The following DTD1 variants were observed in gnomAD, a reference collection of about 807,000 sequenced individuals.
The protein encoded by DTD1 is D-aminoacyl-tRNA deacylase 1, also known as D-tyrosyl-tRNA deacylase 1 homolog.
DTD1 carries 13 observed loss-of-function variants against 25.6 expected under a neutral mutation model. That is an observed-to-expected ratio of 0.51 (90% CI 0.33 to 0.81). DTD1 has a LOEUF of 0.81. Among genes scored for constraint, DTD1 ranks in the 30% least tolerant of loss-of-function variants. DTD1 has a pLI of 0.02. For synonymous variants in DTD1, 110 were observed against 103.6 expected (o/e 1.06, Z -0.37); for missense variants, 193 against 266.4 (o/e 0.72, Z 1.92).
At chr20:18,685,850 A>G (rs1202761411) in intron 4 of DTD1, among the ~76,000 whole-genome samples, 1 of 152,230 alleles carries the variant, frequency 6.6e-6, no homozygotes, top group East Asian at 1.9e-4. Context: ...AGCCAGGCAG[A>G]TAAGTTCCCC....
At chr20:18,684,444 A>G (rs2061008974) in intron 4 of DTD1, among the ~76,000 whole-genome samples, 1 of 151,898 alleles carries the variant, frequency 6.6e-6, no homozygotes, top group South Asian at 2.1e-4. Context: ...ATGCCATCAT[A>G]CCCAGCTAAT....
At chr20:18,648,613 A>G (rs1212247864) in intron 4 of DTD1, among the ~76,000 whole-genome samples, 1 of 151,966 alleles carries the variant, frequency 6.6e-6, no homozygotes, top group Non-Finnish European at 1.5e-5. Flanking sequence ...CTCTTCTTTC[A>G]TCTCTCTCTC....
At chr20:18,603,342 A>AC (rs2060643529) in intron 3 of DTD1, among the ~76,000 whole-genome samples, 1 of 104,286 alleles carries the variant, frequency 9.6e-6, no homozygotes, top group Non-Finnish European at 2.0e-5. Flanking sequence ...TTAACACCCC[A>AC]CTGTCAACAT....
At chr20:18,649,019 A>T (rs975524595) in intron 4 of DTD1, among the ~76,000 whole-genome samples, 1 of 142,922 alleles carries the variant, frequency 7.0e-6, no homozygotes, top group Non-Finnish European at 1.5e-5. Context: ...AAAAAAAAAA[A>T]GCAAATTTAA....
rs148811060 is a variant in DTD1, at chr20:18,588,687, A to T, written c.43+572A>T. On this transcript the variant is annotated intron_variant, in intron 1 of 5. Coordinates refer to ENST00000377452, the MANE Select transcript of DTD1 (RefSeq NM_080820.6). ...GCTGGATGAGGGGCGCCCCCTGCCC[A>T]GGACGCCCCTCGCCCTCGCCCGCTG... is the stretch of plus-strand genomic sequence containing the variant. 39 of 980,192 alleles carry T rather than the reference A, an allele frequency of 4.0e-5. No homozygotes were observed. The African/African-American group carries it at 6.1e-4, about 15-fold the overall frequency. 60.7% of individuals were successfully genotyped at this position (980,192 alleles called of 1,614,324 possible).
intron 4 of DTD1, among the ~76,000 whole-genome samples, chr20:18,637,507 T>C (rs1361295094): frequency 6.6e-6 from 1 of 152,222 alleles, no homozygotes; most frequent in African/African-American, 2.4e-5. Context: ...GTGTGCAAGA[T>C]TGTAGCAGTG....
At chr20:18,635,481 A>G (rs1466945750) in intron 4 of DTD1, among the ~76,000 whole-genome samples, 1 of 152,198 alleles carries the variant, frequency 6.6e-6, no homozygotes, top group African/African-American at 2.4e-5. Context: ...CCTGCTTTCC[A>G]TGAATTATGA....
chr20:18,632,164 C>T (rs549106420), intron 4 of DTD1: 7 of 985,292 alleles, frequency 7.1e-6, no homozygotes, highest in South Asian at 9.4e-5. Context: ...AAATCCCTCT[C>T]CCCAAATCAA....
intron 5 of DTD1, among the ~76,000 whole-genome samples, chr20:18,761,285 A>G (rs1009978699): frequency 6.6e-6 from 1 of 152,116 alleles, no homozygotes; most frequent in Non-Finnish European, 1.5e-5. Flanking sequence ...TGAGTTGGAA[A>G]TGCAGAAATC....
chr20:18,702,271 C>G (rs2061108289), intron 4 of DTD1, among the ~76,000 whole-genome samples: 1 of 152,190 alleles, frequency 6.6e-6, no homozygotes, highest in Admixed American at 6.5e-5. Flanking sequence ...GTATGGTACT[C>G]CCGCCCCCTT....
intron 2 of DTD1, among the ~76,000 whole-genome samples, chr20:18,595,581 T>G (rs998311375): frequency 3.3e-5 from 5 of 152,172 alleles, no homozygotes; most frequent in African/African-American, 1.2e-4. Flanking sequence ...AATTGTTCAT[T>G]TTGAGTAGCT....
At chr20:18,754,202 G>A (rs2061330804) in intron 5 of DTD1, among the ~76,000 whole-genome samples, 1 of 152,218 alleles carries the variant, frequency 6.6e-6, no homozygotes, top group Non-Finnish European at 1.5e-5. Context: ...GTCTTTGAGG[G>A]TTTCAGTGTT....
chr20:18,633,093 A>C (rs564987060), intron 4 of DTD1, among the ~76,000 whole-genome samples: 1 of 152,348 alleles, frequency 6.6e-6, no homozygotes, highest in Non-Finnish European at 1.5e-5. Flanking sequence ...AAGACCATTC[A>C]GTTTGTGCTC....
chr20:18,736,066 C>T (rs2061253945), intron 4 of DTD1, among the ~76,000 whole-genome samples: 1 of 152,138 alleles, frequency 6.6e-6, no homozygotes, highest in Non-Finnish European at 1.5e-5. Flanking sequence ...CTAGAGTAAT[C>T]CTTCCTTTCA....
chr20:18,702,107 C>T (rs994879537), intron 4 of DTD1, among the ~76,000 whole-genome samples: 2 of 152,124 alleles, frequency 1.3e-5, no homozygotes, highest in Non-Finnish European at 2.9e-5. Context: ...TTAGACAAAG[C>T]GTCTATTTGT....
Position 18,764,466 on chromosome 20 carries a change from T to G in DTD1, c.*1126T>G, listed in dbSNP as rs1290466622. On this transcript the variant is annotated 3_prime_UTR_variant, in exon 6 of 6. Coordinates refer to ENST00000377452, the MANE Select transcript of DTD1 (RefSeq NM_080820.6). The stretch of plus-strand genomic sequence containing the variant: ...TCGCATATATGCTCTCTGGAAAATA[T>G]TTTTGTATATAGAAGAGACATCCTT... 3 of 152,254 alleles carry G rather than the reference T, an allele frequency of 2.0e-5. No homozygotes were observed. The highest frequency in any genetic ancestry group is 4.4e-5 in the Non-Finnish European group (3 of 68,048). The allele number at this position is 152,254 out of a possible 1,614,324, so 9.4% of individuals were successfully genotyped here.
chr20:18,700,795 C>G (rs574052036), intron 4 of DTD1, among the ~76,000 whole-genome samples: 97 of 152,176 alleles, frequency 6.4e-4, no homozygotes, highest in Middle Eastern at 3.4e-3. Context: ...GTTCCTGGAA[C>G]TTGAGGGTGT....
intron 4 of DTD1, among the ~76,000 whole-genome samples, chr20:18,702,032 T>C (rs1245270710): frequency 6.6e-6 from 1 of 152,204 alleles, no homozygotes; most frequent in Admixed American, 6.5e-5. Context: ...CAGGAGAAAT[T>C]TGTCTACAAT....
intron 1 of DTD1, 127 bp downstream of exon 1, chr20:18,588,242 C>G: frequency 1.1e-6 from 1 of 950,230 alleles, no homozygotes; most frequent in Non-Finnish European, 1.4e-6. Context: ...TGGTCCCCTT[C>G]GCGAGCTCGG....
Sources: allele counts gnomAD v4.1 joint callset (sites outside exome capture counted in the v4.1 genomes callset), GRCh38; gene constraint gnomAD v4.1.1; transcripts MANE v1.5; gene names NCBI Gene and HGNC (gene_info 2026-07-23, HGNC 2026-07-21).